Variants in CHST12 observed in about 807,000 individuals in gnomAD.
CHST12 encodes the protein carbohydrate (chondroitin 4) sulfotransferase 12.
Under a neutral mutation model 27.9 loss-of-function variants are expected in CHST12, and 23 were observed. The observed-to-expected ratio is 0.82, with a 90% CI of 0.59 to 1.17. The LOEUF is 1.17. Ranked by LOEUF, CHST12 falls within the 50% of genes most tolerant of loss-of-function variation. The pLI is 0.00. For synonymous variants in CHST12, 322 were observed against 273.0 expected (o/e 1.18, Z -1.77); for missense variants, 682 against 603.0 (o/e 1.13, Z -1.37).
intron 1 of CHST12, among the ~76,000 whole-genome samples, chr7:2,412,564 T>G (rs1781693683): frequency 6.6e-6 from 1 of 152,222 alleles, no homozygotes; most frequent in African/African-American, 2.4e-5. Context: ...CTTGGTTATT[T>G]GGACACGAAG....
chr7:2,405,368 C>T (rs1367182688), intron 1 of CHST12, among the ~76,000 whole-genome samples: 1 of 152,112 alleles, frequency 6.6e-6, no homozygotes, highest in Non-Finnish European at 1.5e-5. Context: ...TAGCTTGAAC[C>T]TGGAGGCGGA....
rs1054701422 is a variant in CHST12, at chr7:2,434,986, A to G, written c.*1102A>G. The stretch of plus-strand genomic sequence containing the variant: ...AACCCAGCTACTCAGGAGGCTGAGG[A>G]GGGAGGATCACTTGAGCCCAGGAGT... On this transcript the variant is annotated 3_prime_UTR_variant, in exon 2 of 2. Coordinates refer to ENST00000618655, the MANE Select transcript of CHST12 (RefSeq NM_018641.5). The G allele has an allele frequency of 6.6e-6, 1 of 151,836 alleles. No individual in the cohort carries two copies. The highest frequency in any genetic ancestry group is 1.5e-5 in the Non-Finnish European group (1 of 68,052). The allele number at this position is 151,836 out of a possible 1,614,324, so 9.4% of individuals were successfully genotyped here.
At position 2,408,438 on chromosome 7, in the gene CHST12, C is replaced by G. The variant is rs1334374304; in HGVS notation, c.-78+4765C>G. On this transcript the variant is annotated intron_variant, in intron 1 of 1. Transcript: ENST00000618655. ...GACATACTGTTGTGAAATCTCAGAA[C>G]AAGAGGAGAAAGTAAAAACAAATCA... 2.0e-5 allele frequency among the ~76,000 whole-genome samples: 3 copies of G among 147,252 alleles called. 1 individual carries two copies. In the East Asian group the frequency reaches 6.0e-4, roughly 29 times the overall value.
intron 1 of CHST12, among the ~76,000 whole-genome samples, chr7:2,415,201 C>T (rs1255765289): frequency 2.0e-5 from 3 of 152,068 alleles, no homozygotes; most frequent in Non-Finnish European, 4.4e-5. Flanking sequence ...CCCATCTCTA[C>T]TAAAAATACA....
rs118092134 is a variant in CHST12, at chr7:2,447,900, C to G, written c.*14016C>G. ...TTTTTTGTTGTTGTTGAGGCAGAGC[C>G]TCACTCTGTCGCCCAGGCAGGAGTG... On this transcript the variant is annotated 3_prime_UTR_variant, in exon 2 of 2. Coordinates refer to ENST00000618655, the MANE Select transcript of CHST12 (RefSeq NM_018641.5). 16,723 of 152,046 alleles carry G rather than the reference C, an allele frequency of 0.11. 1,269 individuals are homozygous for G. Among genetic ancestry groups the G allele is most frequent in the South Asian group, 0.2 (943 of 4,818 alleles). The allele number at this position is 152,046 out of a possible 1,614,324, so 9.4% of individuals were successfully genotyped here. A position where few individuals can be genotyped will look rare whatever the true frequency, so the allele number is the denominator to read the frequency against.
rs1436252352 is a variant in CHST12, at chr7:2,438,694, A to C, written c.*4810A>C. ...CCCGAGTGTTGGAGTGACTGTTTGC[A>C]CACATCTGTTGTGTTTTGCCTGTGT... On this transcript the variant is annotated 3_prime_UTR_variant, in exon 2 of 2. Coordinates refer to ENST00000618655, the MANE Select transcript of CHST12 (RefSeq NM_018641.5). 1.3e-5 allele frequency: 2 copies of C among 152,212 alleles called. No homozygotes were observed. The highest frequency in any genetic ancestry group is 4.8e-5 in the African/African-American group (2 of 41,454). 9.4% of individuals were successfully genotyped at this position (152,212 alleles called of 1,614,324 possible).
intron 1 of CHST12, among the ~76,000 whole-genome samples, 194 bp downstream of exon 1, chr7:2,403,867 C>T (rs2115371111): frequency 1.3e-5 from 2 of 152,176 alleles, no homozygotes; most frequent in Middle Eastern, 6.8e-3. Flanking sequence ...GACCTTGGCC[C>T]TGCGCGCGCC....
At chr7:2,415,610 T>C (rs1456462297) in intron 1 of CHST12, among the ~76,000 whole-genome samples, 2 of 150,360 alleles carry the variant, frequency 1.3e-5, no homozygotes, top group East Asian at 4.0e-4. Flanking sequence ...CAATTTCTTT[T>C]CTTTTTTCTT....
intron 1 of CHST12, among the ~76,000 whole-genome samples, chr7:2,415,624 T>C (rs1422058937): frequency 6.6e-6 from 1 of 151,332 alleles, no homozygotes; most frequent in East Asian, 1.9e-4. Flanking sequence ...TTTTCTTTTT[T>C]TTTTTTTTGA....
At chr7:2,415,947 C>T (rs1188080952) in intron 1 of CHST12, among the ~76,000 whole-genome samples, 1 of 152,190 alleles carries the variant, frequency 6.6e-6, no homozygotes, top group Non-Finnish European at 1.5e-5. Context: ...AAGTGTGCTG[C>T]ATTTATTGAC....
chr7:2,411,778 A>G (rs1781674287), intron 1 of CHST12, among the ~76,000 whole-genome samples: 1 of 152,230 alleles, frequency 6.6e-6, no homozygotes, highest in Non-Finnish European at 1.5e-5. Context: ...CACTGTGCCC[A>G]GCCACGAATT....
intron 1 of CHST12, among the ~76,000 whole-genome samples, chr7:2,412,212 A>G (rs975420952): frequency 6.6e-6 from 1 of 152,236 alleles, no homozygotes; most frequent in Non-Finnish European, 1.5e-5. Flanking sequence ...TTAACTGAAC[A>G]CAAATGAAGT....
At chr7:2,425,919 C>T (rs1341703477) in intron 1 of CHST12, among the ~76,000 whole-genome samples, 1 of 151,984 alleles carries the variant, frequency 6.6e-6, no homozygotes, top group African/African-American at 2.4e-5. Context: ...CTGGTGGTGG[C>T]AGCACAGGTG....
rs1245839157 is a variant in CHST12, at chr7:2,432,716, G to A, written c.77G>A (p.Trp26Ter). The A allele has an allele frequency of 1.9e-6, 3 of 1,613,938 alleles. No homozygotes were observed. Among genetic ancestry groups the A allele is most frequent in the Non-Finnish European group, 2.5e-6 (3 of 1,179,900 alleles). The change falls in exon 2 of 2, where the codon TGG (tryptophan) becomes TAG (stop). Residue 26 changes from tryptophan to a stop codon, truncating the protein, a stop_gained. Transcript: ENST00000618655. LOFTEE classifies it high-confidence loss of function. ...VFMILLIIVYWDSAGAAHFYL... is the reference protein window; with the variant it reads ...VFMILLIIVY ...ATGATCCTGCTGATCATCGTGTACT[G>A]GGACAGCGCAGGCGCCGCGCACTTC...
Position 2,433,173 on chromosome 7 carries a change from G to A in CHST12, c.534G>A (p.Trp178Ter), listed in dbSNP as rs767981606. ...CYVPKVACTN[W>*]KRVMIVLSGS... ...TGCCCAAGGTGGCCTGCACCAACTG[G>A]AAGCGCGTGATGATCGTGCTGAGCG... is the stretch of plus-strand genomic sequence containing the variant. The change falls in exon 2 of 2, where the codon TGG becomes TGA. Residue 178 changes from tryptophan to a stop codon, truncating the protein, a stop_gained. Coordinates refer to ENST00000618655, the MANE Select transcript of CHST12 (RefSeq NM_018641.5). LOFTEE classifies it high-confidence loss of function. This position sits in a 1 kb window ranked among gnomAD's most constrained non-coding sequence, Gnocchi z 6.1. 6.2e-7 allele frequency: 1 copy of A among 1,613,078 alleles called. No individual in the cohort carries two copies. Among genetic ancestry groups the A allele is most frequent in the South Asian group, 1.1e-5 (1 of 91,062 alleles).
rs1782359436 is a variant in CHST12, at chr7:2,433,392, G to T, written c.753G>T (p.Leu251=). 6.2e-7 allele frequency: 1 copy of T among 1,609,646 alleles called. No homozygotes were observed. Among genetic ancestry groups the T allele is most frequent in the African/African-American group, 1.3e-5 (1 of 74,938 alleles). The change falls in exon 2 of 2, where the codon CTG becomes CTT. Residue 251 remains leucine, a synonymous_variant. Coordinates refer to ENST00000618655, the MANE Select transcript of CHST12 (RefSeq NM_018641.5). The surrounding 1 kb of genome is among the most constrained non-coding windows in gnomAD (Gnocchi z 6.1). The part of the protein sequence containing the change: ...FLFVRDPFVR[L]ISAFRSKFEL... ...TCGTGCGCGACCCCTTCGTGCGCCT[G>T]ATCTCCGCCTTCCGCAGCAAGTTCG...
chr7:2,408,075 G>T (rs1781567246), intron 1 of CHST12, among the ~76,000 whole-genome samples: 1 of 152,092 alleles, frequency 6.6e-6, no homozygotes, highest in South Asian at 2.1e-4. Context: ...AATTTGGATA[G>T]TGAGAGTTCA....
At chr7:2,419,171 G>C (rs1446111276) in intron 1 of CHST12, among the ~76,000 whole-genome samples, 1 of 152,176 alleles carries the variant, frequency 6.6e-6, no homozygotes, top group African/African-American at 2.4e-5. Context: ...CACTTTGGGA[G>C]GCCGAGGCAG....
intron 1 of CHST12, among the ~76,000 whole-genome samples, chr7:2,429,779 T>A (rs1223476465): frequency 1.3e-5 from 2 of 152,134 alleles, no homozygotes; most frequent in African/African-American, 4.8e-5. Flanking sequence ...GTTGGTTTTT[T>A]GTTTTTGTTT....
Sources: allele counts gnomAD v4.1 joint callset (sites outside exome capture counted in the v4.1 genomes callset), GRCh38; gene constraint gnomAD v4.1.1; non-coding constraint Gnocchi (gnomAD v3.1); transcripts MANE v1.5; gene names NCBI Gene and HGNC (gene_info 2026-07-23, HGNC 2026-07-21).